Variants in TNFSF8 observed in about 807,000 individuals in gnomAD.
TNFSF8 encodes TNF superfamily member 8.
In TNFSF8, 4 loss-of-function variants were observed where a neutral mutation model predicts 22.0. That is an observed-to-expected ratio of 0.18 (90% CI 0.09 to 0.42). TNFSF8 has a LOEUF of 0.42. Among genes scored for constraint, TNFSF8 ranks in the 10% least tolerant of loss-of-function variants. TNFSF8 has a pLI of 1.00. For synonymous variants in TNFSF8, 106 were observed against 112.5 expected (o/e 0.94, Z 0.37); for missense variants, 233 against 281.8 (o/e 0.83, Z 1.24).
intron 1 of TNFSF8, among the ~76,000 whole-genome samples, chr9:114,922,095 G>A (rs144410263): frequency 6.6e-6 from 1 of 152,158 alleles, no homozygotes; most frequent in Admixed American, 6.5e-5. Context: ...GACATCATAA[G>A]ATATTATAAA....
chr9:114,899,062 C>A (rs968714032), downstream of TNFSF8, among the ~76,000 whole-genome samples: 6 of 152,278 alleles, frequency 3.9e-5, no homozygotes, highest in African/African-American at 9.6e-5. Context: ...ACCCCAACTA[C>A]TAAGCTCGTA....
chr9:114,912,482 G>C (rs1827863573), intron 2 of TNFSF8, among the ~76,000 whole-genome samples: 1 of 152,188 alleles, frequency 6.6e-6, no homozygotes, highest in South Asian at 2.1e-4. Context: ...CTCCGCCTCT[G>C]GGGTTCAAGC....
At chr9:114,914,692 G>C (rs888830676) in intron 2 of TNFSF8, among the ~76,000 whole-genome samples, 2 of 152,080 alleles carry the variant, frequency 1.3e-5, no homozygotes, top group Non-Finnish European at 2.9e-5. Flanking sequence ...GTGGCTTCAT[G>C]CAAAAATCAT....
chr9:114,905,129 G>C (rs1042939577), intron 3 of TNFSF8, among the ~76,000 whole-genome samples: 14 of 152,216 alleles, frequency 9.2e-5, no homozygotes, highest in African/African-American at 3.4e-4. Flanking sequence ...CAGGAAGCTG[G>C]CATGCTAGTT....
chr9:114,905,706 A>G (rs1827776139), intron 3 of TNFSF8, 122 bp downstream of exon 3: 4 of 780,444 alleles, frequency 5.1e-6, no homozygotes, highest in Non-Finnish European at 9.0e-6. Context: ...CAGACTAAAC[A>G]GTACACATCT....
intron 1 of TNFSF8, among the ~76,000 whole-genome samples, chr9:114,925,864 G>T (rs983433704): frequency 4.6e-5 from 7 of 152,100 alleles, no homozygotes; most frequent in Admixed American, 3.9e-4. Flanking sequence ...AAACAAAGAC[G>T]TCTCTAAGGT....
At chr9:114,925,551 TA>T (rs1358349523) in intron 1 of TNFSF8, among the ~76,000 whole-genome samples, 1 of 152,126 alleles carries the variant, frequency 6.6e-6, no homozygotes, top group Non-Finnish European at 1.5e-5. Context: ...CAGGTGTGTT[TA>T]CCCTACACTT....
At chr9:114,920,660 T>C (rs528673422) in intron 1 of TNFSF8, among the ~76,000 whole-genome samples, 1 of 151,602 alleles carries the variant, frequency 6.6e-6, no homozygotes, top group Non-Finnish European at 1.5e-5. Flanking sequence ...TTGGGGGGAG[T>C]TTAACATTCT....
chr9:114,900,466 A>G (rs113828061), downstream of TNFSF8, among the ~76,000 whole-genome samples: 4,597 of 152,224 alleles, frequency 0.03, 98 homozygotes, highest in Non-Finnish European at 0.046. Flanking sequence ...TCATATTCCA[A>G]TCTCCATTAT....
intron 2 of TNFSF8, among the ~76,000 whole-genome samples, chr9:114,916,384 C>T (rs1298210612): frequency 6.6e-6 from 1 of 152,138 alleles, no homozygotes; most frequent in Non-Finnish European, 1.5e-5. Context: ...CATTGAAGTG[C>T]TCTTTAGGCG....
chr9:114,926,435 A>C (rs1018975283), intron 1 of TNFSF8, among the ~76,000 whole-genome samples: 8 of 151,258 alleles, frequency 5.3e-5, no homozygotes, highest in African/African-American at 1.9e-4. Flanking sequence ...CTCCAAAAAA[A>C]GAAAAAAAGA....
In TNFSF8 at chr9:114,901,398, A is replaced by G. The variant is rs1351063411; in HGVS notation, c.*2533T>C. 2.0e-6 allele frequency: 2 copies of G among 985,232 alleles called. No individual in the cohort carries two copies. Among genetic ancestry groups the G allele is most frequent in the Non-Finnish European group, 2.4e-6 (2 of 829,934 alleles). The allele number at this position is 985,232 out of a possible 1,614,324, so 61.0% of individuals were successfully genotyped here. A position where few individuals can be genotyped will look rare whatever the true frequency, so the allele number is the denominator to read the frequency against. ...TGTGTCTTTAGGTGTTGGCTTTCTT[A>G]GCATTGCTTGACAGAGACTGAGATT... On this transcript the variant is annotated 3_prime_UTR_variant, in exon 4 of 4. Transcript: ENST00000223795.
At chr9:114,916,714 A>G (rs544065908) in intron 2 of TNFSF8, among the ~76,000 whole-genome samples, 1 of 152,332 alleles carries the variant, frequency 6.6e-6, no homozygotes, top group East Asian at 1.9e-4. Context: ...CATTTGATAA[A>G]TAACGTTTTA....
chr9:114,912,973 G>A (rs1827870835), intron 2 of TNFSF8, among the ~76,000 whole-genome samples: 1 of 152,182 alleles, frequency 6.6e-6, no homozygotes, highest in South Asian at 2.1e-4. Flanking sequence ...ATATTTGTTT[G>A]ATTCATAGAA....
At chr9:114,926,188 C>T (rs1828055584) in intron 1 of TNFSF8, among the ~76,000 whole-genome samples, 1 of 152,174 alleles carries the variant, frequency 6.6e-6, no homozygotes, top group Non-Finnish European at 1.5e-5. Flanking sequence ...AGTACAATCT[C>T]TTTGGAGACA....
intron 2 of TNFSF8, 40 bp from the exon 3 acceptor site, chr9:114,905,939 G>T: frequency 7.1e-7 from 1 of 1,417,230 alleles, no homozygotes; most frequent in Non-Finnish European, 1.0e-6. Context: ...GTCTTTTGCC[G>T]TTTTGGGATC....
At chr9:114,924,880 C>G (rs1828036716) in intron 1 of TNFSF8, among the ~76,000 whole-genome samples, 1 of 152,196 alleles carries the variant, frequency 6.6e-6, no homozygotes, top group African/African-American at 2.4e-5. Context: ...TGGGGACCTC[C>G]CCACATAACC....
At chr9:114,929,713 C>T (rs1196484844) in intron 1 of TNFSF8, among the ~76,000 whole-genome samples, 1 of 151,856 alleles carries the variant, frequency 6.6e-6, no homozygotes, top group Admixed American at 6.6e-5. Context: ...GGGTCTCTGG[C>T]TCATTAAGAT....
chr9:114,925,333 C>G (rs991057047), intron 1 of TNFSF8, among the ~76,000 whole-genome samples: 3 of 152,188 alleles, frequency 2.0e-5, no homozygotes, highest in African/African-American at 7.2e-5. Flanking sequence ...TGGCCTCCAC[C>G]TGGCAGCCTT....
Sources: gnomAD v4.1 joint callset for allele counts (sites outside exome capture counted in the v4.1 genomes callset) on GRCh38, gnomAD v4.1.1 for gene constraint, MANE v1.5 for transcripts, NCBI Gene and HGNC (gene_info 2026-07-23, HGNC 2026-07-21) for gene names.